SUMF1: variants seen among roughly 807,000 people sequenced by gnomAD.
The protein encoded by SUMF1 is formylglycine-generating enzyme.
SUMF1 carries 48 observed loss-of-function variants against 47.6 expected under a neutral mutation model. The ratio of observed to expected loss-of-function variants is 1.01; its 90% CI spans 0.80 to 1.28. The LOEUF (loss-of-function observed/expected upper bound fraction) is 1.28. SUMF1 is among the 50% of genes most tolerant of loss of function. The pLI, the probability that SUMF1 is intolerant of heterozygous loss-of-function variation, is 0.00. For missense variants in SUMF1, 571 were observed against 485.4 expected, an observed-to-expected ratio of 1.18 and a Z score of -1.66; for synonymous variants, 230 against 192.1, an observed-to-expected ratio of 1.20 and a Z score of -1.63.
intron 8 of SUMF1, among the ~76,000 whole-genome samples, chr3:4,291,218 G>C (rs1328520791): frequency 1.3e-5 from 2 of 152,112 alleles, no homozygotes; most frequent in Non-Finnish European, 2.9e-5. Context: ...ATTTCAATGA[G>C]AAATTTTCAG....
In SUMF1 at chr3:4,389,985, T is replaced by A. The variant is rs187633930; in HGVS notation, c.955-13596A>T. On this transcript the variant is annotated intron_variant, in intron 7 of 8. Transcript: ENST00000272902. ...TGTGGGCATCTGCTATCTACTTAAATTCACTTTGATATCTTCCTGGTTCTT... is the reference window on the plus strand; with the variant it reads ...TGTGGGCATCTGCTATCTACTTAAAATCACTTTGATATCTTCCTGGTTCTT... Among the ~76,000 whole-genome samples, 79 of 152,346 alleles carry A rather than the reference T, an allele frequency of 5.2e-4. 2 individuals are homozygous for A. In the East Asian group the frequency reaches 0.011, roughly 21 times the overall value.
chr3:4,285,256 C>T (rs1697609963), intron 8 of SUMF1, among the ~76,000 whole-genome samples: 2 of 152,116 alleles, frequency 1.3e-5, no homozygotes, highest in African/African-American at 2.4e-5. Flanking sequence ...TTACTAATAG[C>T]AAGGGCTGTA....
intron 9 of SUMF1, among the ~76,000 whole-genome samples, chr3:4,048,218 G>A (rs964369095): frequency 6.6e-6 from 1 of 151,952 alleles, no homozygotes; most frequent in Admixed American, 6.6e-5. Flanking sequence ...CTAACCCCCA[G>A]AAAGACCCAT....
chr3:4,233,869 C>T (rs569911665), intron 8 of SUMF1, among the ~76,000 whole-genome samples: 1 of 152,242 alleles, frequency 6.6e-6, no homozygotes, highest in East Asian at 1.9e-4. Context: ...AGGGTTTGCA[C>T]CGATGCACCA....
intron 8 of SUMF1, among the ~76,000 whole-genome samples, chr3:4,345,761 C>T (rs1699360649): frequency 6.6e-6 from 1 of 152,042 alleles, no homozygotes; most frequent in Non-Finnish European, 1.5e-5. Context: ...GGAGTCAAGA[C>T]CCATCAGCAT....
In SUMF1 at chr3:4,296,382, T is replaced by C. The variant is rs1697851985; in HGVS notation, c.1014+79948A>G. On this transcript the variant is annotated intron_variant and NMD_transcript_variant, in intron 8 of 12. Transcript: ENST00000448413. ...AGATCATATAACTTCTATACAGAGCTGTATGAGTCTGTTCTCAGGCTGCTA... is the reference window on the plus strand; with the variant it reads ...AGATCATATAACTTCTATACAGAGCCGTATGAGTCTGTTCTCAGGCTGCTA... 2.0e-5 allele frequency among the ~76,000 whole-genome samples: 3 copies of C among 151,828 alleles called. 1 individual carries two copies. In the South Asian group the frequency reaches 6.2e-4, roughly 32 times the overall value.
At chr3:4,230,017 A>G (rs1327928188) in intron 8 of SUMF1, among the ~76,000 whole-genome samples, 1 of 152,110 alleles carries the variant, frequency 6.6e-6, no homozygotes, top group Non-Finnish European at 1.5e-5. Context: ...TGTCACCAAA[A>G]AAAAAGAAAA....
chr3:4,449,162 G>T lies in SUMF1; in HGVS notation c.519+104C>A. The stretch of plus-strand genomic sequence containing the variant: ...CAATCCTCAGCAGGAGAATGGTTAG[G>T]TGTTACAGGGAGAGGAAGGTGACAC... On this transcript the variant is annotated intron_variant, in intron 3 of 8. Transcript: ENST00000272902. 2 of 1,201,742 alleles carry T rather than the reference G, an allele frequency of 1.7e-6. 1 individual carries two copies. Among genetic ancestry groups the T allele is most frequent in the South Asian group, 2.4e-5 (2 of 82,462 alleles). 74.4% of individuals were successfully genotyped at this position (1,201,742 alleles called of 1,614,324 possible). A position where few individuals can be genotyped will look rare whatever the true frequency, so the allele number is the denominator to read the frequency against.
chr3:4,086,116 A>T (rs1412319949), intron 8 of SUMF1, among the ~76,000 whole-genome samples: 1 of 152,048 alleles, frequency 6.6e-6, no homozygotes, highest in Non-Finnish European at 1.5e-5. Context: ...AACAAGGGCC[A>T]TTAAACAACC....
intron 1 of SUMF1, among the ~76,000 whole-genome samples, chr3:4,455,929 A>C (rs1703145810): frequency 6.6e-6 from 1 of 152,202 alleles, no homozygotes; most frequent in Non-Finnish European, 1.5e-5. Flanking sequence ...GAAGAAAAAA[A>C]AATACAGGCC....
intron 8 of SUMF1, among the ~76,000 whole-genome samples, chr3:4,173,095 T>C (rs1366238052): frequency 6.6e-6 from 1 of 152,220 alleles, no homozygotes; most frequent in African/African-American, 2.4e-5. Flanking sequence ...CCCAGCACAA[T>C]TTATTAAATA....
intron 6 of SUMF1, among the ~76,000 whole-genome samples, chr3:4,412,960 G>A (rs907712810): frequency 6.6e-6 from 1 of 152,132 alleles, no homozygotes; most frequent in African/African-American, 2.4e-5. Context: ...TAGAGCACAG[G>A]TGGAGGTGCT....
intron 8 of SUMF1, among the ~76,000 whole-genome samples, chr3:4,210,562 A>C (rs892534065): frequency 6.6e-6 from 1 of 152,156 alleles, no homozygotes; most frequent in Non-Finnish European, 1.5e-5. Context: ...ATCATTGGAA[A>C]ACTATATGGA....
rs1467740041 is a variant in SUMF1, at chr3:4,445,050, A to AG, written c.519+4215_519+4216insC. On this transcript the variant is annotated intron_variant, in intron 3 of 8. Coordinates refer to ENST00000272902, the MANE Select transcript of SUMF1 (RefSeq NM_182760.4). Reference sequence around the variant, plus strand: ...GGGGATGGGAATCGGTAATGACCACAAATGGGCATGTGGTTTCTTTTAGGG... The same window carrying AG: ...GGGGATGGGAATCGGTAATGACCACAGAATGGGCATGTGGTTTCTTTTAGGG... 1.6e-4 allele frequency among the ~76,000 whole-genome samples: 25 copies of AG among 152,226 alleles called. 1 individual carries two copies. The highest frequency in any genetic ancestry group is 5.8e-4 in the African/African-American group (24 of 41,466).
chr3:4,358,188 A>C (rs1045223895), downstream of SUMF1, among the ~76,000 whole-genome samples: 2 of 152,126 alleles, frequency 1.3e-5, no homozygotes, highest in South Asian at 4.1e-4. Context: ...ACAGCTTTAA[A>C]AAAAAAGAGA....
chr3:4,129,547 C>G (rs1024087605), intron 8 of SUMF1, among the ~76,000 whole-genome samples: 1 of 152,136 alleles, frequency 6.6e-6, no homozygotes, highest in Non-Finnish European at 1.5e-5. Context: ...AAACCCAGAA[C>G]CCCTTGAATG....
rs59858603 is a variant in SUMF1 at position 4,122,447 on chromosome 3, G to T, written c.1015-53702C>A. Reference sequence around the variant, plus strand: ...TATTTAATGGTATAGAATTTTATTTGGGGATCATGAAAATGTTTTGGGACC... The same window carrying T: ...TATTTAATGGTATAGAATTTTATTTTGGGATCATGAAAATGTTTTGGGACC... On this transcript the variant is annotated intron_variant and NMD_transcript_variant, in intron 8 of 12. Coordinates refer to the SUMF1 transcript ENST00000448413. Among the ~76,000 whole-genome samples, 1,063 of 152,218 alleles carry T rather than the reference G, an allele frequency of 7.0e-3. 22 individuals carry two copies. Among genetic ancestry groups the T allele is most frequent in the African/African-American group, 0.025 (1,022 of 41,544 alleles).
chr3:4,114,950 C>T (rs74803953), intron 8 of SUMF1, among the ~76,000 whole-genome samples: 7,751 of 152,022 alleles, frequency 0.051, 534 homozygotes, highest in East Asian at 0.16. Flanking sequence ...GCAGGGTCCC[C>T]GGCTAGGGCT....
At chr3:4,321,795 G>A (rs905167609) in intron 8 of SUMF1, among the ~76,000 whole-genome samples, 2 of 152,132 alleles carry the variant, frequency 1.3e-5, no homozygotes, top group East Asian at 3.8e-4. Flanking sequence ...GCTATACATA[G>A]TGACTTCCTC....
Sources: gnomAD v4.1 joint callset for allele counts (sites outside exome capture counted in the v4.1 genomes callset) on GRCh38, gnomAD v4.1.1 for gene constraint, MANE v1.5 for transcripts, NCBI Gene and HGNC (gene_info 2026-07-23, HGNC 2026-07-21) for gene names.